The following PSME3IP1 variants were observed in gnomAD, a reference collection of about 807,000 sequenced individuals.
The protein encoded by PSME3IP1 is PSME3-interacting protein.
In PSME3IP1, 13 loss-of-function variants were observed where a neutral mutation model predicts 34.1. That is an observed-to-expected ratio of 0.38 (90% CI 0.25 to 0.61). The LOEUF (loss-of-function observed/expected upper bound fraction) is 0.61, where lower values mean the gene tolerates loss of function less well. PSME3IP1 is among the 20% of genes least tolerant of loss of function. PSME3IP1 has a pLI of 0.60. For synonymous variants in PSME3IP1, 93 were observed against 114.3 expected, an observed-to-expected ratio of 0.81 and a Z score of 1.19; for missense variants, 237 against 301.4, an observed-to-expected ratio of 0.79 and a Z score of 1.58.
intron 1 of PSME3IP1, chr16:57,175,622 G>C (rs2073103330): frequency 6.6e-6 from 1 of 152,212 alleles, no homozygotes; most frequent in South Asian, 2.1e-4. Flanking sequence ...TACAGATGAA[G>C]TTGAGGTCCA....
At position 57,180,124 on chromosome 16, in the gene PSME3IP1, CA is replaced by C. The variant is rs565845541; in HGVS notation, c.-16+5696del. On this transcript the variant is annotated intron_variant, in intron 1 of 6. Coordinates refer to ENST00000309137, the MANE Select transcript of PSME3IP1 (RefSeq NM_024946.4). ...AAGCTTAATTAACATATTCCGGTAG[CA>C]AAGGAGACTAAAAGAATCTAAAAAC... Among the ~76,000 whole-genome samples the C allele has an allele frequency of 7.2e-5, 11 of 152,246 alleles. No individual in the cohort carries two copies. The South Asian group carries it at 2.3e-3, about 32-fold the overall frequency.
chr16:57,152,987 T>C lies in PSME3IP1; in HGVS notation c.*1303A>G, dbSNP rs2070109185. On this transcript the variant is annotated 3_prime_UTR_variant, in exon 7 of 7. Coordinates refer to ENST00000309137, the MANE Select transcript of PSME3IP1 (RefSeq NM_024946.4). The stretch of plus-strand genomic sequence containing the variant: ...CTGCCGGCATCACAGTGTCAACACA[T>C]TTTGTGTGTGTCTCACTCAGTCTCA... 6.5e-6 allele frequency: 1 copy of C among 152,694 alleles called. No homozygotes were observed. Among genetic ancestry groups the C allele is most frequent in the Admixed American group, 6.5e-5 (1 of 15,286 alleles). 9.5% of individuals were successfully genotyped at this position (152,694 alleles called of 1,614,324 possible).
chr16:57,173,896 A>G, intron 1 of PSME3IP1, 27 bp from the exon 2 acceptor site: 1 of 1,600,738 alleles, frequency 6.2e-7, no homozygotes, highest in East Asian at 2.2e-5. Context: ...AAAACAAAAA[A>G]AATCATTTCA....
chr16:57,161,046 T>G (rs1438876470), intron 6 of PSME3IP1, among the ~76,000 whole-genome samples: 4 of 152,216 alleles, frequency 2.6e-5, no homozygotes, highest in Non-Finnish European at 4.4e-5. Flanking sequence ...TAAATTCAAA[T>G]TAAAAGGTAT....
chr16:57,182,594 C>A (rs1597793675), intron 1 of PSME3IP1, among the ~76,000 whole-genome samples: 1 of 140,140 alleles, frequency 7.1e-6, no homozygotes, highest in African/African-American at 2.7e-5. Context: ...TTACAATAAC[C>A]AGACAAGGCC....
At chr16:57,161,669 C>T (rs2071253391) in intron 6 of PSME3IP1, among the ~76,000 whole-genome samples, 1 of 151,912 alleles carries the variant, frequency 6.6e-6, no homozygotes, top group Admixed American at 6.6e-5. Context: ...TCCGCCAGCA[C>T]ACCCAGCTAA....
rs759264333 is a variant in PSME3IP1 at position 57,173,873 on chromosome 16, C to CAAAACA, written c.-15-10_-15-5dup. ...CATCCATAATGAAACAACCAATCTACAAAACAAAAACAAAAACAAAAAAAA... is the reference window on the plus strand; with the variant it reads ...CATCCATAATGAAACAACCAATCTACAAAACAAAAACAAAAACAAAAACAAAAAAAA... On this transcript the variant is annotated splice_region_variant and splice_polypyrimidine_tract_variant and intron_variant, in intron 1 of 6. Coordinates refer to ENST00000309137, the MANE Select transcript of PSME3IP1 (RefSeq NM_024946.4). The CAAAACA allele has an allele frequency of 2.8e-5, 44 of 1,596,812 alleles. 1 individual carries two copies. The highest frequency in any genetic ancestry group is 1.8e-4 in the South Asian group (16 of 87,578).
chr16:57,170,354 A>G (rs1179646901), intron 4 of PSME3IP1, among the ~76,000 whole-genome samples: 2 of 152,216 alleles, frequency 1.3e-5, no homozygotes, highest in African/African-American at 4.8e-5. Context: ...AAGTGCTGGA[A>G]TCAAAGGCGT....
Position 57,154,005 on chromosome 16 carries a change from A to AT in PSME3IP1, c.*284dup, listed in dbSNP as rs763363892. On this transcript the variant is annotated 3_prime_UTR_variant, in exon 7 of 7. Transcript: ENST00000309137. The surrounding 1 kb of genome is among the most constrained non-coding windows in gnomAD (Gnocchi z 4.0). ...CAGCCGGTGCCTATTCTCCTGGGGC[A>AT]TTTTTAGTGGAACTTCGGCTGGGCC... The AT allele has an allele frequency of 2.1e-5, 8 of 389,558 alleles. No individual in the cohort carries two copies. The highest frequency in any genetic ancestry group is 3.7e-5 in the Non-Finnish European group (8 of 215,256). 24.1% of individuals were successfully genotyped at this position (389,558 alleles called of 1,614,324 possible).
chr16:57,174,815 C>A (rs1375104761), intron 1 of PSME3IP1: 4 of 428,820 alleles, frequency 9.3e-6, no homozygotes, highest in African/African-American at 8.6e-5. Context: ...TCTCTTCTGA[C>A]CTTCCTCCCT....
chr16:57,175,720 C>T (rs368903346), intron 1 of PSME3IP1: 1 of 152,164 alleles, frequency 6.6e-6, no homozygotes, highest in Non-Finnish European at 1.5e-5. Flanking sequence ...AAAATGCATA[C>T]TCTTACCAAC....
At chr16:57,162,007 C>T (rs946321329) in intron 6 of PSME3IP1, among the ~76,000 whole-genome samples, 2 of 152,092 alleles carry the variant, frequency 1.3e-5, no homozygotes, top group Non-Finnish European at 2.9e-5. Flanking sequence ...CAGGTTCAAA[C>T]GATTCTTCCG....
chr16:57,182,568 A>C (rs1354599518), intron 1 of PSME3IP1, among the ~76,000 whole-genome samples: 10 of 150,312 alleles, frequency 6.7e-5, no homozygotes, highest in Non-Finnish European at 1.2e-4. Context: ...AAAAAAAAAA[A>C]AAAAAAAACT....
Position 57,166,366 on chromosome 16 carries a change from T to C in PSME3IP1, c.482+727A>G, listed in dbSNP as rs546823413. On this transcript the variant is annotated intron_variant, in intron 5 of 6. Transcript: ENST00000309137. The stretch of plus-strand genomic sequence containing the variant: ...AGAACTTATCATAGCCTTGAGACAG[T>C]GCTATCACTTCCACATCAATCCAAA... 3.3e-5 allele frequency among the ~76,000 whole-genome samples: 5 copies of C among 152,326 alleles called. No individual in the cohort carries two copies. The South Asian group carries it at 1.0e-3, about 32-fold the overall frequency.
chr16:57,181,914 GCTC>G (rs1312919682), intron 1 of PSME3IP1: 1 of 152,226 alleles, frequency 6.6e-6, no homozygotes, highest in Non-Finnish European at 1.5e-5. Context: ...CTATCCAGAA[GCTC>G]CCCAATCCCA....
At chr16:57,185,580 G>A (rs1225846048) in intron 1 of PSME3IP1, 3 of 985,436 alleles carry the variant, frequency 3.0e-6, no homozygotes, top group African/African-American at 1.7e-5. Context: ...TTAAACGCCC[G>A]GCAGTGTTGG....
chr16:57,180,521 C>T (rs1442995569), intron 1 of PSME3IP1, among the ~76,000 whole-genome samples: 2 of 151,456 alleles, frequency 1.3e-5, no homozygotes, highest in African/African-American at 2.4e-5. Context: ...ACCCAGGAGG[C>T]GAAGGTTGCA....
At chr16:57,163,636 C>T (rs1311379390) in intron 6 of PSME3IP1, among the ~76,000 whole-genome samples, 5 of 152,220 alleles carry the variant, frequency 3.3e-5, no homozygotes, top group African/African-American at 9.6e-5. Flanking sequence ...AGGTATTTAC[C>T]TCCCACTGGT....
chr16:57,162,243 G>A (rs879860612), intron 6 of PSME3IP1, among the ~76,000 whole-genome samples: 3 of 152,114 alleles, frequency 2.0e-5, no homozygotes, highest in Admixed American at 1.3e-4. Flanking sequence ...TTAAAACAAA[G>A]AAACAAAATA....
Sources: allele counts gnomAD v4.1 joint callset (sites outside exome capture counted in the v4.1 genomes callset), GRCh38; gene constraint gnomAD v4.1.1; non-coding constraint Gnocchi (gnomAD v3.1); transcripts MANE v1.5; gene names NCBI Gene and HGNC (gene_info 2026-07-23, HGNC 2026-07-21).